RBMS3: variants seen among roughly 807,000 people sequenced by gnomAD.
The protein encoded by RBMS3 is RNA binding motif single stranded interacting protein 3.
RBMS3 carries 27 observed loss-of-function variants against 66.8 expected under a neutral mutation model. The ratio of observed to expected loss-of-function variants is 0.40; its 90% CI spans 0.30 to 0.56. RBMS3 has a LOEUF of 0.56. Among genes scored for constraint, RBMS3 ranks in the 20% least tolerant of loss-of-function variants. The probability of loss-of-function intolerance (pLI) is 0.40; values close to 1 mark genes in which losing one functional copy is unlikely to be tolerated. For synonymous variants in RBMS3, 188 were observed against 183.0 expected (o/e 1.03, Z -0.22); for missense variants, 513 against 549.5 (o/e 0.93, Z 0.66).
intron 10 of RBMS3, among the ~76,000 whole-genome samples, chr3:29,922,177 T>C (rs1361952364): frequency 2.0e-5 from 3 of 152,238 alleles, no homozygotes; most frequent in Admixed American, 6.5e-5. Context: ...AATTTATCTC[T>C]CAGTTATTTC....
intron 6 of RBMS3, among the ~76,000 whole-genome samples, chr3:29,836,153 CT>C (rs756818033): frequency 2.0e-5 from 3 of 151,930 alleles, no homozygotes; most frequent in Non-Finnish European, 4.4e-5. Flanking sequence ...AACCTATGAC[CT>C]AATGGCTTCA....
chr3:29,540,326 T>C (rs2045711652), intron 3 of RBMS3, among the ~76,000 whole-genome samples: 1 of 152,148 alleles, frequency 6.6e-6, no homozygotes, highest in South Asian at 2.1e-4. Context: ...TTAAAATTTG[T>C]TTATATTTCT....
chr3:29,478,527 G>T (rs1284244526), intron 2 of RBMS3, among the ~76,000 whole-genome samples: 2 of 152,054 alleles, frequency 1.3e-5, no homozygotes, highest in African/African-American at 4.8e-5. Context: ...TTAGTGATTG[G>T]GTTTCAACAG....
intron 6 of RBMS3, among the ~76,000 whole-genome samples, chr3:29,837,123 AT>A (rs1430212776): frequency 1.3e-5 from 2 of 152,176 alleles, no homozygotes; most frequent in East Asian, 3.9e-4. Flanking sequence ...GTCAATCATC[AT>A]TTTTGCAAAC....
chr3:29,915,482 CTCTGT>C (rs1213291359), intron 10 of RBMS3, among the ~76,000 whole-genome samples: 1 of 151,852 alleles, frequency 6.6e-6, no homozygotes, highest in East Asian at 1.9e-4. Context: ...GTGTTTTCTT[CTCTGT>C]TCTATTTGAC....
chr3:29,464,541 A>G (rs2042473878), intron 2 of RBMS3, among the ~76,000 whole-genome samples: 1 of 152,184 alleles, frequency 6.6e-6, no homozygotes, highest in African/African-American at 2.4e-5. Context: ...GTAAACTAGA[A>G]ATAATCTAAA....
intron 1 of RBMS3, among the ~76,000 whole-genome samples, chr3:29,348,934 T>G (rs2036744194): frequency 6.6e-6 from 1 of 152,184 alleles, no homozygotes; most frequent in Non-Finnish European, 1.5e-5. Context: ...TTTCCTCTCT[T>G]GCAGTTCACC....
At chr3:29,921,596 T>A (rs1367528926) in intron 10 of RBMS3, among the ~76,000 whole-genome samples, 1 of 151,984 alleles carries the variant, frequency 6.6e-6, no homozygotes, top group Non-Finnish European at 1.5e-5. Flanking sequence ...CTGGCCTTGA[T>A]CAGAGCTAAG....
At chr3:29,858,134 A>C (rs1035077294) in intron 6 of RBMS3, among the ~76,000 whole-genome samples, 9 of 152,330 alleles carry the variant, frequency 5.9e-5, no homozygotes, top group African/African-American at 2.2e-4. Flanking sequence ...GGTGGATTTA[A>C]AAGAGGTATT....
At position 29,460,857 on chromosome 3, in the gene RBMS3, G is replaced by C. The variant is rs142246810; in HGVS notation, c.248+25942G>C. ...TCAGAGAACAGTGTCTGATTCTCAG[G>C]AGTTATTAATTTAGGTTTGCTGACC... On this transcript the variant is annotated intron_variant, in intron 2 of 14. Coordinates refer to ENST00000383767, the MANE Select transcript of RBMS3 (RefSeq NM_001003793.3). 2.6e-3 allele frequency among the ~76,000 whole-genome samples: 395 copies of C among 152,240 alleles called. 1 individual carries two copies. The highest frequency in any genetic ancestry group is 8.1e-3 in the African/African-American group (336 of 41,556).
chr3:29,425,219 A>AAC (rs1559350777), intron 1 of RBMS3, among the ~76,000 whole-genome samples: 14 of 147,444 alleles, frequency 9.5e-5, no homozygotes, highest in Middle Eastern at 3.4e-3. Context: ...AAAAAAACAA[A>AAC]AAAAAAAAAA....
chr3:29,898,470 C>T (rs74391114), intron 9 of RBMS3, among the ~76,000 whole-genome samples: 148 of 151,730 alleles, frequency 9.8e-4, no homozygotes, highest in African/African-American at 3.1e-3. Flanking sequence ...TACTTCATTT[C>T]AGGATATCCC....
At chr3:29,623,305 A>T (rs2048940642) in intron 4 of RBMS3, among the ~76,000 whole-genome samples, 1 of 151,972 alleles carries the variant, frequency 6.6e-6, no homozygotes, top group South Asian at 2.1e-4. Context: ...TAAAAGTATA[A>T]AAGTCGGCCG....
chr3:29,787,327 A>C (rs2056852715), intron 6 of RBMS3, among the ~76,000 whole-genome samples: 1 of 152,152 alleles, frequency 6.6e-6, no homozygotes. Flanking sequence ...CAATCCCCCT[A>C]CTACATATTT....
At chr3:29,991,413 T>G in intron 14 of RBMS3, 2 of 721,642 alleles carry the variant, frequency 2.8e-6, no homozygotes, top group South Asian at 2.0e-5. Flanking sequence ...GAATCAAACA[T>G]CTAGGAACAG....
At chr3:29,807,191 G>T (rs2057578687) in intron 6 of RBMS3, among the ~76,000 whole-genome samples, 1 of 151,776 alleles carries the variant, frequency 6.6e-6, no homozygotes, top group Non-Finnish European at 1.5e-5. Flanking sequence ...ACATAAAACT[G>T]TCAGTATCAA....
intron 13 of RBMS3, among the ~76,000 whole-genome samples, chr3:29,989,085 T>C (rs745771809): frequency 1.1e-4 from 17 of 152,166 alleles, no homozygotes; most frequent in Non-Finnish European, 2.2e-4. Context: ...AAACCATTGC[T>C]CTAGGCCATG....
intron 6 of RBMS3, among the ~76,000 whole-genome samples, chr3:29,839,440 T>C (rs540912786): frequency 6.6e-6 from 1 of 152,248 alleles, no homozygotes; most frequent in African/African-American, 2.4e-5. Flanking sequence ...GAGACCCCCT[T>C]CTTTTTATGC....
At chr3:29,456,856 T>C (rs952513568) in intron 2 of RBMS3, among the ~76,000 whole-genome samples, 1 of 152,140 alleles carries the variant, frequency 6.6e-6, no homozygotes, top group Non-Finnish European at 1.5e-5. Context: ...AGGCATAGCA[T>C]AGGAATTTTA....
Sources: gnomAD v4.1 joint callset for allele counts (sites outside exome capture counted in the v4.1 genomes callset) on GRCh38, gnomAD v4.1.1 for gene constraint, MANE v1.5 for transcripts, NCBI Gene and HGNC (gene_info 2026-07-23, HGNC 2026-07-21) for gene names.